The following PPP2R5E variants were observed in gnomAD, a reference collection of about 807,000 sequenced individuals.
PPP2R5E encodes the protein serine/threonine-protein phosphatase 2A 56 kDa regulatory subunit epsilon isoform.
Under a neutral mutation model 65.3 loss-of-function variants are expected in PPP2R5E, and 4 were observed. The observed-to-expected ratio is 0.06, with a 90% CI of 0.03 to 0.14. PPP2R5E has a LOEUF of 0.14. Ranked by LOEUF, PPP2R5E falls within the 10% of genes least tolerant of loss-of-function variation. PPP2R5E has a pLI of 1.00. For missense variants in PPP2R5E, 274 were observed against 556.1 expected (o/e 0.49, Z 5.10); for synonymous variants, 183 against 187.4 (o/e 0.98, Z 0.19).
chr14:63,453,938 G>A, intron 2 of PPP2R5E, 53 bp from the exon 3 acceptor site: 5 of 1,317,050 alleles, frequency 3.8e-6, no homozygotes, highest in South Asian at 1.9e-5. Context: ...CCAGGTAACA[G>A]GAATTCTCTG....
intron 2 of PPP2R5E, among the ~76,000 whole-genome samples, chr14:63,533,395 C>G (rs1893519468): frequency 6.6e-6 from 1 of 151,702 alleles, no homozygotes; most frequent in Non-Finnish European, 1.5e-5. Flanking sequence ...AACCCCATCT[C>G]TACTAAAAAT....
At chr14:63,381,439 G>A (rs1884351204) in intron 13 of PPP2R5E, among the ~76,000 whole-genome samples, 1 of 152,144 alleles carries the variant, frequency 6.6e-6, no homozygotes, top group Non-Finnish European at 1.5e-5. Context: ...CAAACTACCT[G>A]ATGGTCCCTT....
rs1350501914 is a variant in PPP2R5E, at chr14:63,440,145, A to G, written c.354+13544T>C. 3.3e-5 allele frequency among the ~76,000 whole-genome samples: 5 copies of G among 152,124 alleles called. No homozygotes were observed. In the East Asian group the frequency reaches 9.6e-4, roughly 29 times the overall value. On this transcript the variant is annotated intron_variant, in intron 3 of 13. Coordinates refer to ENST00000337537, the MANE Select transcript of PPP2R5E (RefSeq NM_006246.5). ...CTTCTAAGGGTGGGGCAGAGAGAGA[A>G]GTGGAGTGGGAAAGCACATGAACTC...
At chr14:63,532,481 G>A (rs559720767) in intron 2 of PPP2R5E, among the ~76,000 whole-genome samples, 4 of 152,196 alleles carry the variant, frequency 2.6e-5, no homozygotes, top group South Asian at 2.1e-4. Flanking sequence ...GTTGAAAAAC[G>A]TTTGTGGCTG....
chr14:63,527,923 AG>A (rs1050921787), intron 2 of PPP2R5E, among the ~76,000 whole-genome samples: 4 of 148,358 alleles, frequency 2.7e-5, no homozygotes, highest in Admixed American at 2.7e-4. Context: ...CGACAATGTA[AG>A]AAAAAAAAAA....
chr14:63,502,143 C>T lies in PPP2R5E; in HGVS notation c.157+37386G>A, dbSNP rs947306040. ...TTTCTGGCCTCAAGTGATCCACCTG[C>T]CCTGGTCTCCCAAAGTGGTGGGATT... On this transcript the variant is annotated intron_variant, in intron 2 of 13. Transcript: ENST00000337537. Among the ~76,000 whole-genome samples the T allele has an allele frequency of 2.6e-5, 4 of 152,294 alleles. No individual in the cohort carries two copies. The South Asian group carries it at 8.3e-4, about 32-fold the overall frequency.
At chr14:63,512,385 T>A (rs1355605583) in intron 2 of PPP2R5E, among the ~76,000 whole-genome samples, 1 of 152,180 alleles carries the variant, frequency 6.6e-6, no homozygotes, top group Non-Finnish European at 1.5e-5. Flanking sequence ...ATACCACAAA[T>A]AATACTTAAG....
intron 2 of PPP2R5E, among the ~76,000 whole-genome samples, chr14:63,529,508 C>T (rs1893321681): frequency 6.6e-6 from 1 of 151,958 alleles, no homozygotes; most frequent in Non-Finnish European, 1.5e-5. Context: ...CTACAGGCAC[C>T]TGCTACCACG....
chr14:63,393,403 C>G (rs1233548688), intron 8 of PPP2R5E, among the ~76,000 whole-genome samples: 1 of 152,116 alleles, frequency 6.6e-6, no homozygotes, highest in Non-Finnish European at 1.5e-5. Flanking sequence ...TTAAGTAAGT[C>G]TCTTTCCTTT....
intron 2 of PPP2R5E, among the ~76,000 whole-genome samples, chr14:63,462,855 C>T (rs1889557279): frequency 6.6e-6 from 1 of 151,908 alleles, no homozygotes; most frequent in Non-Finnish European, 1.5e-5. Flanking sequence ...GTAATCCCAG[C>T]ACTTTGGGAG....
At chr14:63,500,464 G>C (rs1284160907) in intron 2 of PPP2R5E, among the ~76,000 whole-genome samples, 1 of 152,160 alleles carries the variant, frequency 6.6e-6, no homozygotes, top group Non-Finnish European at 1.5e-5. Context: ...TCAGGATTTA[G>C]GACAAAATAA....
chr14:63,427,992 C>T (rs1323446798), intron 3 of PPP2R5E, among the ~76,000 whole-genome samples: 3 of 152,068 alleles, frequency 2.0e-5, no homozygotes, highest in Non-Finnish European at 4.4e-5. Flanking sequence ...CTCATCTTCC[C>T]TACTCCCATT....
intron 2 of PPP2R5E, among the ~76,000 whole-genome samples, chr14:63,534,963 A>G (rs1307876545): frequency 1.3e-5 from 2 of 152,232 alleles, no homozygotes; most frequent in Non-Finnish European, 2.9e-5. Flanking sequence ...ACAAAAGCAT[A>G]TAAAGATGGA....
chr14:63,464,655 C>G (rs1158811280), intron 2 of PPP2R5E, among the ~76,000 whole-genome samples: 1 of 152,206 alleles, frequency 6.6e-6, no homozygotes, highest in Admixed American at 6.5e-5. Flanking sequence ...TAGAATCACA[C>G]TTTTACTGTT....
chr14:63,376,876 A>C (rs974076677), intron 13 of PPP2R5E, among the ~76,000 whole-genome samples: 3 of 152,196 alleles, frequency 2.0e-5, no homozygotes, highest in African/African-American at 7.2e-5. Flanking sequence ...ACCAATAAAA[A>C]GCAGACCCAG....
chr14:63,399,987 G>C (rs1352405752), intron 5 of PPP2R5E, among the ~76,000 whole-genome samples: 2 of 151,514 alleles, frequency 1.3e-5, no homozygotes, highest in Non-Finnish European at 2.9e-5. Context: ...AAAGACAAGA[G>C]TTATGGACCA....
intron 2 of PPP2R5E, among the ~76,000 whole-genome samples, chr14:63,460,375 G>C (rs2139506157): frequency 6.6e-6 from 1 of 152,304 alleles, no homozygotes; most frequent in South Asian, 2.1e-4. Flanking sequence ...TTGCTGCGGA[G>C]GAGGGAAGGG....
intron 12 of PPP2R5E, 24 bp downstream of exon 12, chr14:63,384,420 G>A (rs770833486): frequency 1.9e-5 from 31 of 1,603,420 alleles, no homozygotes; most frequent in Admixed American, 1.8e-4. Context: ...GGAAGAGAAC[G>A]GAGGAAAGAA....
intron 2 of PPP2R5E, among the ~76,000 whole-genome samples, chr14:63,509,267 CTTTTT>C (rs10553696): frequency 0.11 from 12,154 of 108,230 alleles, 679 homozygotes; most frequent in African/African-American, 0.27. Context: ...TTAAAATATC[CTTTTT>C]TTTTTTTTTT....
Sources: gnomAD v4.1 joint callset for allele counts (sites outside exome capture counted in the v4.1 genomes callset) on GRCh38, gnomAD v4.1.1 for gene constraint, MANE v1.5 for transcripts, NCBI Gene and HGNC (gene_info 2026-07-23, HGNC 2026-07-21) for gene names.